Variants in STRBP observed in about 807,000 individuals in gnomAD.
STRBP encodes the protein spermatid perinuclear RNA binding protein.
A neutral mutation model predicts 80.1 loss-of-function variants in STRBP; 13 were observed. That is an observed-to-expected ratio of 0.16 (90% CI 0.11 to 0.26). STRBP has a LOEUF of 0.26. STRBP is among the 10% of genes least tolerant of loss of function. The pLI is 1.00. For missense variants in STRBP, 485 were observed against 815.2 expected, an observed-to-expected ratio of 0.59 and a Z score of 4.93; for synonymous variants, 284 against 291.2, an observed-to-expected ratio of 0.98 and a Z score of 0.25.
intron 11 of STRBP, among the ~76,000 whole-genome samples, chr9:123,157,238 A>G (rs939719643): frequency 9.4e-4 from 143 of 152,114 alleles, no homozygotes; most frequent in African/African-American, 3.3e-3. Context: ...TCTCCTCTGT[A>G]TTTTTCTTTC....
intron 2 of STRBP, among the ~76,000 whole-genome samples, chr9:123,203,941 C>G (rs1197881724): frequency 6.6e-6 from 1 of 152,050 alleles, no homozygotes; most frequent in African/African-American, 2.4e-5. Flanking sequence ...CACTGCACTC[C>G]AGCCTGGGCA....
In STRBP at chr9:123,173,702, T is replaced by C. The variant is rs2038104250; in HGVS notation, c.365A>G (p.Lys122Arg). Residue 122 changes from lysine (K) to arginine (R), a missense_variant, in exon 5 of 19, where the codon AAA becomes AGA. Lys to Arg is a conservative substitution (Grantham distance 26). Around this residue, in one of 3 missense-constraint regions of STRBP, gnomAD observed 377 missense variants for 616.1 expected, o/e 0.61. Coordinates refer to ENST00000348403, the MANE Select transcript of STRBP (RefSeq NM_018387.5). ...CTGAATCTGAATAGGAAGATTATCT[T>C]TGACTGTATTTAACAGGGTCTCTGT... The part of the protein sequence containing the change: ...KPTETLLNTV[K>R]DNLPIQIQKL... 2.5e-6 allele frequency: 4 copies of C among 1,613,072 alleles called. No homozygotes were observed. Among genetic ancestry groups the C allele is most frequent in the Non-Finnish European group, 3.4e-6 (4 of 1,179,700 alleles).
intron 2 of STRBP, among the ~76,000 whole-genome samples, chr9:123,234,176 G>A (rs2040480667): frequency 6.7e-6 from 1 of 149,502 alleles, no homozygotes. Flanking sequence ...ACTCCAGCCT[G>A]GGCGACAGAG....
intron 2 of STRBP, among the ~76,000 whole-genome samples, chr9:123,200,472 T>A (rs1243935266): frequency 6.6e-6 from 1 of 152,120 alleles, no homozygotes; most frequent in African/African-American, 2.4e-5. Context: ...TCTTTTGGAA[T>A]AGTTTCAGTA....
rs146288941 is a variant in STRBP, at chr9:123,245,714, A to G, written c.-301-8748T>C. On this transcript the variant is annotated intron_variant, in intron 1 of 18. Coordinates refer to ENST00000348403, the MANE Select transcript of STRBP (RefSeq NM_018387.5). Reference sequence around the variant, plus strand: ...CTGTATTTCTTTTAACTCTCAGGTAATTCTAACGTTCAATCAAGAATGAGA... The same window carrying G: ...CTGTATTTCTTTTAACTCTCAGGTAGTTCTAACGTTCAATCAAGAATGAGA... Among the ~76,000 whole-genome samples, 341 of 152,314 alleles carry G rather than the reference A, an allele frequency of 2.2e-3. 3 individuals are homozygous for G. The highest frequency in any genetic ancestry group is 3.1e-3 in the Non-Finnish European group (212 of 68,024).
In STRBP at chr9:123,184,287, T is replaced by C; in HGVS notation, c.-153A>G. 1 of 591,114 alleles carries C rather than the reference T, an allele frequency of 1.7e-6. No individual in the cohort carries two copies. Among genetic ancestry groups the C allele is most frequent in the Non-Finnish European group, 2.8e-6 (1 of 351,550 alleles). The allele number at this position is 591,114 out of a possible 1,614,324, so 36.6% of individuals were successfully genotyped here. On this transcript the variant is annotated 5_prime_UTR_variant, in exon 3 of 19. Coordinates refer to ENST00000348403, the MANE Select transcript of STRBP (RefSeq NM_018387.5). ...ATAGCAAATGTCTGAAGGCTTGTTCTCTGGAACACACCTGCAAGAGAAGAG... is the reference window on the plus strand; with the variant it reads ...ATAGCAAATGTCTGAAGGCTTGTTCCCTGGAACACACCTGCAAGAGAAGAG...
At chr9:123,118,872 G>A (rs980196200), downstream of STRBP, among the ~76,000 whole-genome samples, 2 of 152,186 alleles carry the variant, frequency 1.3e-5, no homozygotes, top group African/African-American at 4.8e-5. Context: ...ACACACAAAG[G>A]AATGGAAGAT....
intron 1 of STRBP, among the ~76,000 whole-genome samples, chr9:123,245,260 G>T (rs1184489073): frequency 2.6e-5 from 4 of 152,178 alleles, no homozygotes; most frequent in Non-Finnish European, 5.9e-5. Context: ...CCCAGAGCGG[G>T]AGTTCTAAGC....
chr9:123,177,202 G>A (rs1295170559), intron 4 of STRBP, among the ~76,000 whole-genome samples: 4 of 152,094 alleles, frequency 2.6e-5, no homozygotes, highest in East Asian at 1.9e-4. Context: ...CATAGGCAAG[G>A]GCTCACCCAG....
At chr9:123,209,344 A>G (rs530460102) in intron 2 of STRBP, among the ~76,000 whole-genome samples, 5 of 152,308 alleles carry the variant, frequency 3.3e-5, no homozygotes, top group Admixed American at 3.3e-4. Flanking sequence ...AGCATCTACA[A>G]ATACCAGGAA....
At position 123,125,457 on chromosome 9, in the gene STRBP, A is replaced by C; in HGVS notation, c.*140T>G. 1 of 1,274,326 alleles carries C rather than the reference A, an allele frequency of 7.8e-7. No individual in the cohort carries two copies. The highest frequency in any genetic ancestry group is 3.0e-5 in the East Asian group (1 of 33,496). The allele number at this position is 1,274,326 out of a possible 1,614,324, so 78.9% of individuals were successfully genotyped here. ...GAGAACTAAATTTGCATTTGTTAAA[A>C]TCAAAAAGTAGGAAAGATGTTCTTT... is the stretch of plus-strand genomic sequence containing the variant. On this transcript the variant is annotated 3_prime_UTR_variant, in exon 19 of 19. Coordinates refer to ENST00000348403, the MANE Select transcript of STRBP (RefSeq NM_018387.5).
At chr9:123,135,855 G>C (rs1378972210) in intron 16 of STRBP, 186 bp downstream of exon 16, 1 of 594,828 alleles carries the variant, frequency 1.7e-6, no homozygotes, top group Admixed American at 3.1e-5. Context: ...TGTTTAGAAA[G>C]TCCATAGAAC....
intron 6 of STRBP, among the ~76,000 whole-genome samples, chr9:123,161,756 CTATT>C (rs1242732844): frequency 6.6e-6 from 1 of 152,184 alleles, no homozygotes; most frequent in African/African-American, 2.4e-5. Context: ...ACAAAGAACA[CTATT>C]TAATTATGGC....
At chr9:123,160,304 T>A in intron 8 of STRBP, 63 bp downstream of exon 8, 1 of 1,239,562 alleles carries the variant, frequency 8.1e-7, no homozygotes, top group Non-Finnish European at 1.1e-6. Flanking sequence ...TAACATCTCA[T>A]TTCTACAGGA....
chr9:123,139,024 C>T (rs1042625893), intron 14 of STRBP, among the ~76,000 whole-genome samples: 6 of 152,148 alleles, frequency 3.9e-5, no homozygotes, highest in African/African-American at 7.2e-5. Context: ...AAGTTCCAGT[C>T]GGGACTTAAT....
chr9:123,265,311 C>G (rs1046952758), intron 1 of STRBP, among the ~76,000 whole-genome samples: 2 of 152,046 alleles, frequency 1.3e-5, no homozygotes, highest in African/African-American at 4.8e-5. Context: ...TTCGAACATA[C>G]AATGGCTGCA....
intron 1 of STRBP, among the ~76,000 whole-genome samples, chr9:123,267,873 G>GC (rs145177909): frequency 0.026 from 2,634 of 101,518 alleles, 32 homozygotes; most frequent in Non-Finnish European, 0.032. Flanking sequence ...ACAATATAGT[G>GC]CCCCCCCCCA....
intron 12 of STRBP, 105 bp from the exon 13 acceptor site, chr9:123,147,159 T>A: frequency 2.5e-6 from 2 of 800,232 alleles, no homozygotes; most frequent in Non-Finnish European, 3.9e-6. Flanking sequence ...AAAATTTTTT[T>A]AAATGAGGAT....
rs774487865 is a variant in STRBP, at chr9:123,259,713, AAAC to A, written c.-302+8720_-302+8722del. Among the ~76,000 whole-genome samples the A allele has an allele frequency of 4.0e-3, 603 of 151,858 alleles. 1 individual carries two copies. Among genetic ancestry groups the A allele is most frequent in the Admixed American group, 5.6e-3 (86 of 15,228 alleles). ...AACAAGAGTGAAACTCTGTCTCACA[AAAC>A]AACAACAACAACAACAACAACAACA... On this transcript the variant is annotated intron_variant, in intron 1 of 18. Coordinates refer to ENST00000348403, the MANE Select transcript of STRBP (RefSeq NM_018387.5).
Sources: gnomAD v4.1 joint callset for allele counts (sites outside exome capture counted in the v4.1 genomes callset) on GRCh38, gnomAD v4.1.1 for gene constraint, gnomAD v4.1.1 regional missense constraint, MANE v1.5 for transcripts, NCBI Gene and HGNC (gene_info 2026-07-23, HGNC 2026-07-21) for gene names.